CDH13: variants seen among roughly 807,000 people sequenced by gnomAD.
CDH13 encodes cadherin 13.
A neutral mutation model predicts 63.8 loss-of-function variants in CDH13; 24 were observed. The ratio of observed to expected loss-of-function variants is 0.38; its 90% CI spans 0.27 to 0.53. The LOEUF is 0.53. CDH13 is among the 20% of genes least tolerant of loss of function. The probability of loss-of-function intolerance (pLI) is 0.85; values close to 1 mark genes in which losing one functional copy is unlikely to be tolerated. For missense variants in CDH13, 1,049 were observed against 903.1 expected, an observed-to-expected ratio of 1.16 and a Z score of -2.07; for synonymous variants, 503 against 355.3, an observed-to-expected ratio of 1.42 and a Z score of -4.67.
At chr16:82,650,591 C>G (rs1446758740) in intron 1 of CDH13, among the ~76,000 whole-genome samples, 1 of 152,150 alleles carries the variant, frequency 6.6e-6, no homozygotes, top group East Asian at 1.9e-4. Context: ...AAATGTCCCG[C>G]TGTTGGGATG....
chr16:83,674,370 A>G (rs1178440104), intron 9 of CDH13, among the ~76,000 whole-genome samples: 1 of 152,240 alleles, frequency 6.6e-6, no homozygotes, highest in Non-Finnish European at 1.5e-5. Context: ...ATCCTAATGC[A>G]GGAAACAAGG....
intron 6 of CDH13, among the ~76,000 whole-genome samples, chr16:83,415,744 A>C (rs1009289698): frequency 1.8e-4 from 28 of 152,184 alleles, no homozygotes; most frequent in African/African-American, 5.8e-4. Context: ...GAATAGAAGG[A>C]AAGTACCTCA....
At chr16:83,170,009 T>G (rs60083875) in intron 4 of CDH13, among the ~76,000 whole-genome samples, 3,096 of 152,228 alleles carry the variant, frequency 0.02, 103 homozygotes, top group African/African-American at 0.071. Flanking sequence ...TAATTTTCCT[T>G]CCAAATGTTA....
At chr16:82,776,092 C>T (rs528662763) in intron 1 of CDH13, among the ~76,000 whole-genome samples, 1 of 152,244 alleles carries the variant, frequency 6.6e-6, no homozygotes, top group East Asian at 1.9e-4. Context: ...TGCCTATAAT[C>T]CCAGCTACTT....
chr16:83,329,402 T>A (rs1263084124), intron 5 of CDH13, among the ~76,000 whole-genome samples: 1 of 45,844 alleles, frequency 2.2e-5, no homozygotes, highest in Non-Finnish European at 5.6e-5. Flanking sequence ...ATTTTTGTAT[T>A]TTTTTTTTTT....
chr16:83,498,442 A>T (rs558732838), intron 7 of CDH13, among the ~76,000 whole-genome samples: 33 of 152,324 alleles, frequency 2.2e-4, no homozygotes, highest in African/African-American at 7.7e-4. Context: ...TCCACCTCTC[A>T]TTGCCCTTTC....
intron 2 of CDH13, among the ~76,000 whole-genome samples, chr16:82,910,982 A>G (rs1339934143): frequency 6.6e-6 from 1 of 152,134 alleles, no homozygotes; most frequent in Non-Finnish European, 1.5e-5. Context: ...AGAACCTAGA[A>G]GTAGGGTAAT....
chr16:83,158,403 A>G (rs1401878748), intron 4 of CDH13, among the ~76,000 whole-genome samples: 1 of 151,946 alleles, frequency 6.6e-6, no homozygotes. Context: ...GTCTTTATTC[A>G]ATAACTCTGC....
chr16:83,380,986 CTA>C (rs1043645566), intron 6 of CDH13, among the ~76,000 whole-genome samples: 2 of 152,026 alleles, frequency 1.3e-5, no homozygotes, highest in Admixed American at 1.3e-4. Context: ...ACCTTCTTGT[CTA>C]TGTTTCTATA....
chr16:82,882,620 C>T (rs1186939275), intron 2 of CDH13, among the ~76,000 whole-genome samples: 1 of 152,036 alleles, frequency 6.6e-6, no homozygotes, highest in Non-Finnish European at 1.5e-5. Context: ...TTTTTTCCTT[C>T]CTTCCCTCCC....
chr16:83,218,987 C>G (rs931223065), intron 5 of CDH13, among the ~76,000 whole-genome samples: 3 of 152,174 alleles, frequency 2.0e-5, no homozygotes, highest in African/African-American at 4.8e-5. Flanking sequence ...TGTGAGGCCT[C>G]CCCAGCCATG....
intron 5 of CDH13, among the ~76,000 whole-genome samples, chr16:83,323,058 A>G (rs1000978430): frequency 3.3e-5 from 5 of 151,796 alleles, no homozygotes; most frequent in African/African-American, 7.3e-5. Context: ...CTATCGTGCA[A>G]ATGAGCGAAT....
At chr16:83,238,711 A>G (rs1250020741) in intron 5 of CDH13, among the ~76,000 whole-genome samples, 1 of 149,718 alleles carries the variant, frequency 6.7e-6, no homozygotes, top group Non-Finnish European at 1.5e-5. Flanking sequence ...TTCAGAAATA[A>G]CATTTAACCA....
chr16:82,724,240 C>G (rs1325837052), intron 1 of CDH13, among the ~76,000 whole-genome samples: 1 of 152,110 alleles, frequency 6.6e-6, no homozygotes, highest in Admixed American at 6.5e-5. Context: ...TCCAGTCATC[C>G]TTCCATCCAT....
intron 6 of CDH13, among the ~76,000 whole-genome samples, chr16:83,438,354 G>T (rs2072380638): frequency 6.6e-6 from 1 of 152,212 alleles, no homozygotes; most frequent in Non-Finnish European, 1.5e-5. Flanking sequence ...AAACCTAATG[G>T]CACCAGGTGT....
At chr16:83,381,482 C>T (rs192200563) in intron 6 of CDH13, among the ~76,000 whole-genome samples, 449 of 152,148 alleles carry the variant, frequency 3.0e-3, no homozygotes, top group Non-Finnish European at 4.8e-3. Flanking sequence ...AGCAAGAACC[C>T]TCAAAGCCCT....
At chr16:83,281,326 A>G (rs947991799) in intron 5 of CDH13, among the ~76,000 whole-genome samples, 1 of 152,166 alleles carries the variant, frequency 6.6e-6, no homozygotes, top group African/African-American at 2.4e-5. Context: ...TTTCTTCTGC[A>G]GATTATTCAC....
At chr16:83,414,345 G>T (rs763607199) in intron 6 of CDH13, among the ~76,000 whole-genome samples, 11 of 152,024 alleles carry the variant, frequency 7.2e-5, no homozygotes, top group Non-Finnish European at 1.5e-4. Context: ...ATATTCACAG[G>T]GTGATGCAAC....
chr16:83,611,695 T>C (rs1305233669), intron 8 of CDH13, among the ~76,000 whole-genome samples: 1 of 152,120 alleles, frequency 6.6e-6, no homozygotes, highest in Non-Finnish European at 1.5e-5. Context: ...TATAGTTGCA[T>C]TACATAATAT....
Sources: gnomAD v4.1 joint callset for allele counts (sites outside exome capture counted in the v4.1 genomes callset) on GRCh38, gnomAD v4.1.1 for gene constraint, MANE v1.5 for transcripts, NCBI Gene and HGNC (gene_info 2026-07-23, HGNC 2026-07-21) for gene names.